Variants in KLHDC1 observed in about 807,000 individuals in gnomAD.
KLHDC1 encodes kelch domain containing 1, also known as kelch domain-containing protein 1.
A neutral mutation model predicts 68.3 loss-of-function variants in KLHDC1; 53 were observed. The observed-to-expected ratio is 0.78, with a 90% CI of 0.62 to 0.98. The LOEUF is 0.98. Among genes scored for constraint, KLHDC1 ranks in the 50% least tolerant of loss-of-function variants. The probability of loss-of-function intolerance (pLI) is 0.00; values close to 1 mark genes in which losing one functional copy is unlikely to be tolerated. For synonymous variants in KLHDC1, 148 were observed against 159.0 expected (o/e 0.93, Z 0.52); for missense variants, 470 against 492.3 (o/e 0.95, Z 0.43).
chr14:49,694,034 T>A (rs1887661568), intron 1 of KLHDC1, among the ~76,000 whole-genome samples: 1 of 152,224 alleles, frequency 6.6e-6, no homozygotes, highest in East Asian at 1.9e-4. Flanking sequence ...TTACAGGCAT[T>A]AGCCACTGTG....
intron 10 of KLHDC1, among the ~76,000 whole-genome samples, chr14:49,734,972 TGTTA>T (rs1888898720): frequency 6.6e-6 from 1 of 152,050 alleles, no homozygotes; most frequent in African/African-American, 2.4e-5. Flanking sequence ...ATGTTTTTAA[TGTTA>T]ATAATTTTAA....
At position 49,713,827 on chromosome 14, in the gene KLHDC1, TATATATATATATATA is replaced by T. The variant is rs1566602847; in HGVS notation, c.404+3447_404+3461del. On this transcript the variant is annotated intron_variant, in intron 4 of 12. Transcript: ENST00000359332. ...ATATATATATATATATATATATATA[TATATATATATATATA>T]TATATATATTTTTTTTTTTTTTTTT... 8.5e-3 allele frequency among the ~76,000 whole-genome samples: 53 copies of T among 6,250 alleles called. 3 individuals carry two copies. Among genetic ancestry groups the T allele is most frequent in the Middle Eastern group, 0.026 (1 of 38 alleles). 4.1% of individuals were successfully genotyped at this position (6,250 alleles called of 152,430 possible). A position where few individuals can be genotyped will look rare whatever the true frequency, so the allele number is the denominator to read the frequency against.
chr14:49,704,987 C>A (rs1437444890), intron 1 of KLHDC1, among the ~76,000 whole-genome samples: 3 of 151,938 alleles, frequency 2.0e-5, no homozygotes, highest in African/African-American at 4.8e-5. Context: ...GGGTGTGATA[C>A]AAAGAACTTC....
chr14:49,727,115 G>A (rs1211525910), intron 6 of KLHDC1, among the ~76,000 whole-genome samples: 2 of 152,276 alleles, frequency 1.3e-5, no homozygotes, highest in South Asian at 4.1e-4. Flanking sequence ...GGGCGTGGCG[G>A]CATGCGCCTG....
At position 49,723,882 on chromosome 14, in the gene KLHDC1, AT is replaced by A; in HGVS notation, c.417del (p.Phe139LeufsTer83). ...TCGTATTTGTTTTTCAGACTAATAT[AT>A]TTTGGTGGTTATGGGTGTAGGAGAC... is the stretch of plus-strand genomic sequence containing the variant. ...SCWVYKDRLI[Y>X]FGGYGCRRHS... On this transcript the variant is annotated frameshift_variant, in exon 5 of 13. Coordinates refer to ENST00000359332, the MANE Select transcript of KLHDC1 (RefSeq NM_172193.3). LOFTEE classifies it high-confidence loss of function. The A allele has an allele frequency of 6.3e-7, 1 of 1,581,358 alleles. No homozygotes were observed. The highest frequency in any genetic ancestry group is 8.7e-7 in the Non-Finnish European group (1 of 1,155,748).
At chr14:49,705,918 G>A (rs973892385) in intron 1 of KLHDC1, among the ~76,000 whole-genome samples, 1 of 152,066 alleles carries the variant, frequency 6.6e-6, no homozygotes, top group African/African-American at 2.4e-5. Context: ...TTTGATACAG[G>A]CATGCAATGC....
At chr14:49,721,325 G>T (rs532821597) in intron 4 of KLHDC1, among the ~76,000 whole-genome samples, 39 of 151,964 alleles carry the variant, frequency 2.6e-4, no homozygotes, top group African/African-American at 8.9e-4. Flanking sequence ...GGTATGCACC[G>T]CCACACCTTT....
At chr14:49,701,093 G>A (rs868079265) in intron 1 of KLHDC1, among the ~76,000 whole-genome samples, 11 of 148,000 alleles carry the variant, frequency 7.4e-5, no homozygotes, top group African/African-American at 2.7e-4. Flanking sequence ...AAAAAAAAAA[G>A]AAAAAAGAAA....
At chr14:49,709,996 T>C (rs754940885) in intron 3 of KLHDC1, among the ~76,000 whole-genome samples, 170 bp downstream of exon 3, 2 of 152,198 alleles carry the variant, frequency 1.3e-5, no homozygotes, top group Non-Finnish European at 2.9e-5. Flanking sequence ...CTTCTCTTCT[T>C]CTGTGTCTTT....
At chr14:49,713,838 ATATATATATATATTTTTT>A (rs1888291735) in intron 4 of KLHDC1, among the ~76,000 whole-genome samples, 1 of 6,168 alleles carries the variant, frequency 1.6e-4, no homozygotes, top group African/African-American at 4.1e-4. Context: ...ATATATATAT[ATATATATATATATTTTTT>A]TTTTTTTTTT....
At chr14:49,716,217 C>G (rs1426244606) in intron 4 of KLHDC1, among the ~76,000 whole-genome samples, 1 of 152,134 alleles carries the variant, frequency 6.6e-6, no homozygotes, top group African/African-American at 2.4e-5. Context: ...CTGTAAACCA[C>G]TATGGTTTTC....
intron 6 of KLHDC1, 139 bp from the exon 7 acceptor site, chr14:49,728,787 C>A: frequency 1.5e-6 from 1 of 665,302 alleles, no homozygotes; most frequent in Middle Eastern, 3.2e-4. Context: ...TTAGAATAAA[C>A]TTTTGCATTA....
intron 4 of KLHDC1, among the ~76,000 whole-genome samples, chr14:49,717,761 G>C (rs968633557): frequency 2.6e-5 from 4 of 151,648 alleles, no homozygotes; most frequent in Non-Finnish European, 5.9e-5. Flanking sequence ...TTAAATATTT[G>C]GTAGAATTCG....
chr14:49,717,228 A>C (rs1052981522), intron 4 of KLHDC1, among the ~76,000 whole-genome samples: 1 of 152,192 alleles, frequency 6.6e-6, no homozygotes, highest in Admixed American at 6.5e-5. Flanking sequence ...TATATACGTT[A>C]AGAATAGAAC....
At chr14:49,700,942 G>GCC (rs1887887820) in intron 1 of KLHDC1, among the ~76,000 whole-genome samples, 1 of 152,156 alleles carries the variant, frequency 6.6e-6, no homozygotes, top group Non-Finnish European at 1.5e-5. Flanking sequence ...CATTAGCCAG[G>GCC]CGTGGTGGCA....
chr14:49,715,449 G>GTATATATTA (rs1424628207), intron 4 of KLHDC1, among the ~76,000 whole-genome samples: 8 of 149,870 alleles, frequency 5.3e-5, no homozygotes, highest in African/African-American at 1.7e-4. Context: ...ACATATAAAA[G>GTATATATTA]TATATATAAA....
chr14:49,726,730 A>G (rs1036385468), intron 6 of KLHDC1, among the ~76,000 whole-genome samples: 3 of 152,212 alleles, frequency 2.0e-5, no homozygotes, highest in African/African-American at 7.2e-5. Context: ...ATGGCACACA[A>G]AGTAGAAGGA....
chr14:49,725,800 T>A (rs540450371), intron 6 of KLHDC1, 31 bp downstream of exon 6: 1 of 1,140,918 alleles, frequency 8.8e-7, no homozygotes, highest in African/African-American at 1.6e-5. Flanking sequence ...TCTTTATATA[T>A]TTGTATTTAA....
At chr14:49,720,291 A>C (rs1250551866) in intron 4 of KLHDC1, among the ~76,000 whole-genome samples, 2 of 151,854 alleles carry the variant, frequency 1.3e-5, no homozygotes, top group African/African-American at 4.8e-5. Flanking sequence ...CAGCCTTTTA[A>C]AATTTTTTGT....
Sources: allele counts gnomAD v4.1 joint callset (sites outside exome capture counted in the v4.1 genomes callset), GRCh38; gene constraint gnomAD v4.1.1; transcripts MANE v1.5; gene names NCBI Gene and HGNC (gene_info 2026-07-23, HGNC 2026-07-21).